PRKCE: variants seen among roughly 807,000 people sequenced by gnomAD.
PRKCE encodes protein kinase C epsilon, also known as protein kinase C epsilon type.
Under a neutral mutation model 85.4 loss-of-function variants are expected in PRKCE, and 16 were observed. That is an observed-to-expected ratio of 0.19 (90% CI 0.13 to 0.28). The LOEUF (loss-of-function observed/expected upper bound fraction) is 0.28, where lower values mean the gene tolerates loss of function less well. Ranked by LOEUF, PRKCE falls within the 10% of genes least tolerant of loss-of-function variation. The pLI, the probability that PRKCE is intolerant of heterozygous loss-of-function variation, is 1.00. For missense variants in PRKCE, 573 were observed against 975.2 expected, an observed-to-expected ratio of 0.59 and a Z score of 5.49; for synonymous variants, 388 against 371.5, an observed-to-expected ratio of 1.04 and a Z score of -0.51.
At chr2:45,917,610 C>G (rs182481703) in intron 2 of PRKCE, among the ~76,000 whole-genome samples, 1,611 of 152,368 alleles carry the variant, frequency 0.011, 19 homozygotes, top group African/African-American at 0.037. Flanking sequence ...TGGCTTCACC[C>G]AGTGGATCCC....
At chr2:45,817,567 G>A (rs552513687) in intron 1 of PRKCE, among the ~76,000 whole-genome samples, 67 of 152,160 alleles carry the variant, frequency 4.4e-4, no homozygotes, top group Middle Eastern at 3.4e-3. Context: ...GGTGGTGGGC[G>A]CCTGTAGTCC....
chr2:46,092,487 T>G (rs1670266115), intron 11 of PRKCE, among the ~76,000 whole-genome samples: 1 of 152,196 alleles, frequency 6.6e-6, no homozygotes, highest in Non-Finnish European at 1.5e-5. Flanking sequence ...GCCTAGATTC[T>G]TCTGTACTCA....
intron 6 of PRKCE, among the ~76,000 whole-genome samples, chr2:45,994,859 C>A (rs1704093453): frequency 6.6e-6 from 1 of 152,140 alleles, no homozygotes; most frequent in South Asian, 2.1e-4. Flanking sequence ...AAGAAACTGC[C>A]AAACTGTCTC....
intron 2 of PRKCE, among the ~76,000 whole-genome samples, chr2:45,954,668 C>A (rs984581697): frequency 1.3e-5 from 2 of 152,142 alleles, no homozygotes; most frequent in Non-Finnish European, 1.5e-5. Context: ...AGGGGGAGAA[C>A]CTCATTTCAA....
At chr2:45,710,652 G>C (rs1056754788) in intron 1 of PRKCE, among the ~76,000 whole-genome samples, 1 of 152,256 alleles carries the variant, frequency 6.6e-6, no homozygotes, top group African/African-American at 2.4e-5. Context: ...TGCGGCTCCA[G>C]CATGGCCCAG....
intron 10 of PRKCE, among the ~76,000 whole-genome samples, chr2:46,045,709 T>G (rs1371064335): frequency 6.6e-6 from 1 of 152,090 alleles, no homozygotes; most frequent in Non-Finnish European, 1.5e-5. Flanking sequence ...TGAAGCCCTG[T>G]CTTCACTAAA....
Position 46,001,330 on chromosome 2 carries a change from T to A in PRKCE, c.824-74T>A. The A allele has an allele frequency of 7.0e-7, 1 of 1,432,638 alleles. No individual in the cohort carries two copies. Among genetic ancestry groups the A allele is most frequent in the Non-Finnish European group, 9.4e-7 (1 of 1,065,114 alleles). 88.7% of individuals were successfully genotyped at this position (1,432,638 alleles called of 1,614,324 possible). A position where few individuals can be genotyped will look rare whatever the true frequency, so the allele number is the denominator to read the frequency against. The stretch of plus-strand genomic sequence containing the variant: ...CATGTAATACTTCATGAACATATAA[T>A]ACAATCTCAAAGAAAAGAAGCAACA... On this transcript the variant is annotated intron_variant, in intron 6 of 14. Coordinates refer to ENST00000306156, the MANE Select transcript of PRKCE (RefSeq NM_005400.3). The surrounding 1 kb of genome is among the most constrained non-coding windows in gnomAD (Gnocchi z 4.4).
At chr2:45,780,568 C>T (rs1326929341) in intron 1 of PRKCE, among the ~76,000 whole-genome samples, 1 of 152,238 alleles carries the variant, frequency 6.6e-6, no homozygotes, top group African/African-American at 2.4e-5. Context: ...ATCTCACTGG[C>T]CTCCCCAAGC....
chr2:46,130,821 T>G (rs1192604983), intron 11 of PRKCE, among the ~76,000 whole-genome samples: 1 of 152,208 alleles, frequency 6.6e-6, no homozygotes, highest in Non-Finnish European at 1.5e-5. Flanking sequence ...TTTGGACCCT[T>G]AGAGTAGCTT....
intron 10 of PRKCE, among the ~76,000 whole-genome samples, chr2:46,029,963 C>A (rs1166942476): frequency 6.6e-6 from 1 of 152,102 alleles, no homozygotes; most frequent in African/African-American, 2.4e-5. Context: ...CTTCTAAATA[C>A]CCTCTCTGTG....
chr2:46,120,953 T>C (rs886917026), intron 11 of PRKCE, among the ~76,000 whole-genome samples: 2 of 152,362 alleles, frequency 1.3e-5, no homozygotes, highest in African/African-American at 4.8e-5. Context: ...TTGTTCACCA[T>C]GAATCTGTGG....
chr2:45,660,768 A>T (rs1457367116), intron 1 of PRKCE, among the ~76,000 whole-genome samples: 1 of 152,200 alleles, frequency 6.6e-6, no homozygotes, highest in Non-Finnish European at 1.5e-5. Flanking sequence ...TAGTAATTAC[A>T]ATCTATTATA....
intron 1 of PRKCE, among the ~76,000 whole-genome samples, chr2:45,687,788 T>C (rs1362410741): frequency 6.6e-6 from 1 of 152,206 alleles, no homozygotes; most frequent in African/African-American, 2.4e-5. Context: ...ATTATTCCAA[T>C]ATTTCAGAAA....
chr2:45,687,926 G>A (rs1485829979), intron 1 of PRKCE, among the ~76,000 whole-genome samples: 1 of 152,202 alleles, frequency 6.6e-6, no homozygotes, highest in Non-Finnish European at 1.5e-5. Context: ...CAGTGTGATG[G>A]GAGTGGCTGG....
At chr2:45,820,401 T>A (rs77308593) in intron 1 of PRKCE, among the ~76,000 whole-genome samples, 3,884 of 151,588 alleles carry the variant, frequency 0.026, 88 homozygotes, top group East Asian at 0.11. Flanking sequence ...TAGGTAGATT[T>A]TATTTGGAGG....
intron 1 of PRKCE, among the ~76,000 whole-genome samples, chr2:45,692,072 G>A (rs932497252): frequency 6.6e-6 from 1 of 152,108 alleles, no homozygotes; most frequent in Non-Finnish European, 1.5e-5. Context: ...TTCTTGGTGT[G>A]GATGGTTCAT....
chr2:46,171,853 G>A (rs1045737245), intron 14 of PRKCE, among the ~76,000 whole-genome samples: 2 of 152,288 alleles, frequency 1.3e-5, no homozygotes, highest in Middle Eastern at 3.4e-3. Context: ...CCGGTCCAGT[G>A]GAAAAGACAC....
At chr2:45,946,965 C>G (rs938089499) in intron 2 of PRKCE, among the ~76,000 whole-genome samples, 1 of 152,248 alleles carries the variant, frequency 6.6e-6, no homozygotes, top group African/African-American at 2.4e-5. Flanking sequence ...GACCTAGACT[C>G]TATGAGATAT....
At chr2:45,802,489 A>C (rs1361269996) in intron 1 of PRKCE, among the ~76,000 whole-genome samples, 2 of 152,176 alleles carry the variant, frequency 1.3e-5, no homozygotes, top group Non-Finnish European at 2.9e-5. Flanking sequence ...ATGTGTTTTG[A>C]AAACCTCAAC....
Sources: gnomAD v4.1 joint callset for allele counts (sites outside exome capture counted in the v4.1 genomes callset) on GRCh38, gnomAD v4.1.1 for gene constraint, Gnocchi (gnomAD v3.1) non-coding constraint, MANE v1.5 for transcripts, NCBI Gene and HGNC (gene_info 2026-07-23, HGNC 2026-07-21) for gene names.